The following LRRTM4 variants were observed in gnomAD, a reference collection of about 807,000 sequenced individuals.
LRRTM4 encodes the protein leucine-rich repeat transmembrane neuronal protein 4.
A neutral mutation model predicts 47.6 loss-of-function variants in LRRTM4; 25 were observed. The observed-to-expected ratio is 0.53, with a 90% CI of 0.38 to 0.73. LRRTM4 has a LOEUF of 0.73. LRRTM4 is among the 30% of genes least tolerant of loss of function. The probability of loss-of-function intolerance (pLI) is 0.00; values close to 1 mark genes in which losing one functional copy is unlikely to be tolerated. For synonymous variants in LRRTM4, 311 were observed against 269.5 expected, an observed-to-expected ratio of 1.15 and a Z score of -1.51; for missense variants, 638 against 713.4, an observed-to-expected ratio of 0.89 and a Z score of 1.20.
chr2:77,092,187 T>G (rs1670665716), intron 3 of LRRTM4, among the ~76,000 whole-genome samples: 1 of 152,168 alleles, frequency 6.6e-6, no homozygotes, highest in African/African-American at 2.4e-5. Flanking sequence ...CACTCTTTGT[T>G]AAGTCCCACA....
At chr2:76,911,722 T>C (rs926743274) in intron 3 of LRRTM4, among the ~76,000 whole-genome samples, 1 of 149,324 alleles carries the variant, frequency 6.7e-6, no homozygotes, top group Non-Finnish European at 1.5e-5. Context: ...CAGGTAGAAA[T>C]GTCAGTAGAA....
chr2:77,069,795 T>C (rs924256616), intron 3 of LRRTM4, among the ~76,000 whole-genome samples: 1 of 152,152 alleles, frequency 6.6e-6, no homozygotes, highest in Non-Finnish European at 1.5e-5. Flanking sequence ...ATATAGTAGT[T>C]TTACAAAGAT....
intron 3 of LRRTM4, among the ~76,000 whole-genome samples, chr2:77,082,804 G>T (rs1477284652): frequency 6.6e-6 from 1 of 151,744 alleles, no homozygotes; most frequent in Non-Finnish European, 1.5e-5. Context: ...TCACGTATTT[G>T]CTCTTTTAAA....
At chr2:77,385,155 A>G (rs1355457550) in intron 3 of LRRTM4, among the ~76,000 whole-genome samples, 2 of 152,202 alleles carry the variant, frequency 1.3e-5, no homozygotes, top group African/African-American at 2.4e-5. Flanking sequence ...TCTGTAGGCT[A>G]AAACTTGCCC....
intron 3 of LRRTM4, among the ~76,000 whole-genome samples, chr2:77,424,669 T>G (rs1247450396): frequency 1.3e-5 from 2 of 152,168 alleles, no homozygotes; most frequent in Non-Finnish European, 2.9e-5. Flanking sequence ...TAGTGATGAT[T>G]GTACAATTTG....
chr2:77,196,665 C>T (rs900556851), intron 3 of LRRTM4, among the ~76,000 whole-genome samples: 3 of 152,024 alleles, frequency 2.0e-5, no homozygotes, highest in African/African-American at 7.2e-5. Flanking sequence ...CCTTTAAATC[C>T]AGGAGGTGGA....
chr2:76,824,336 G>A (rs1364495842), intron 3 of LRRTM4, among the ~76,000 whole-genome samples: 2 of 151,480 alleles, frequency 1.3e-5, no homozygotes, highest in African/African-American at 4.8e-5. Flanking sequence ...ATGCATGAAT[G>A]GAATACAATT....
intron 3 of LRRTM4, among the ~76,000 whole-genome samples, chr2:77,451,148 T>C (rs1339850243): frequency 6.6e-6 from 1 of 152,160 alleles, no homozygotes; most frequent in Non-Finnish European, 1.5e-5. Flanking sequence ...CGAAGACTAG[T>C]TTTTTTCTGA....
At chr2:77,025,140 G>A (rs1387348128) in intron 3 of LRRTM4, among the ~76,000 whole-genome samples, 3 of 152,058 alleles carry the variant, frequency 2.0e-5, no homozygotes, top group Admixed American at 6.6e-5. Flanking sequence ...AATAGGATCC[G>A]TAATACTTTA....
chr2:76,841,070 A>C (rs1342494752), intron 3 of LRRTM4, among the ~76,000 whole-genome samples: 3 of 143,642 alleles, frequency 2.1e-5, no homozygotes, highest in East Asian at 4.4e-4. Flanking sequence ...TGTGGCACAT[A>C]GACACCATGG....
rs1674089731 is a variant in LRRTM4 at position 77,205,261 on chromosome 2, G to C, written c.1551+313057C>G. On this transcript the variant is annotated intron_variant, in intron 3 of 3. Coordinates refer to ENST00000409884, the MANE Select transcript of LRRTM4 (RefSeq NM_001134745.3). ...TTGTTTTCATGGAGATTATAGTCAA[G>C]GGAGAAAGAAAGAAAACAAATCAGA... is the stretch of plus-strand genomic sequence containing the variant. 2.6e-5 allele frequency among the ~76,000 whole-genome samples: 4 copies of C among 152,190 alleles called. No individual in the cohort carries two copies. In the South Asian group the frequency reaches 8.3e-4, roughly 32 times the overall value.
In LRRTM4 at chr2:77,308,518, T is replaced by C. The variant is rs1319811747; in HGVS notation, c.1551+209800A>G. ...TCTTTCCTCATGTGAGTTTTGTAGA[T>C]AGGCATTTTTTTATCTTTATCATTT... On this transcript the variant is annotated intron_variant, in intron 3 of 3. Transcript: ENST00000409884. Among the ~76,000 whole-genome samples, 4 of 152,180 alleles carry C rather than the reference T, an allele frequency of 2.6e-5. No homozygotes were observed. In the East Asian group the frequency reaches 7.7e-4, roughly 29 times the overall value.
chr2:77,406,379 T>A (rs1674183142), intron 3 of LRRTM4, among the ~76,000 whole-genome samples: 1 of 152,116 alleles, frequency 6.6e-6, no homozygotes, highest in Non-Finnish European at 1.5e-5. Flanking sequence ...TGGAATGCAG[T>A]GATGTGATCA....
intron 3 of LRRTM4, among the ~76,000 whole-genome samples, chr2:77,214,216 A>G (rs1180242815): frequency 6.6e-6 from 1 of 152,206 alleles, no homozygotes; most frequent in African/African-American, 2.4e-5. Context: ...AAAGACCAAT[A>G]AAATGAATGC....
chr2:77,414,823 C>T (rs2103867606), intron 3 of LRRTM4, among the ~76,000 whole-genome samples: 1 of 150,808 alleles, frequency 6.6e-6, no homozygotes, highest in African/African-American at 2.4e-5. Flanking sequence ...CACACAATAG[C>T]ACCAATAATC....
chr2:77,480,788 G>GTA (rs1305414346), intron 3 of LRRTM4, among the ~76,000 whole-genome samples: 8 of 111,046 alleles, frequency 7.2e-5, no homozygotes, highest in Non-Finnish European at 1.4e-4. Context: ...TTTTAGGAGT[G>GTA]TGTGTGTGTG....
At chr2:76,803,196 A>G (rs1024939331) in intron 3 of LRRTM4, among the ~76,000 whole-genome samples, 13 of 152,200 alleles carry the variant, frequency 8.5e-5, no homozygotes, top group African/African-American at 2.4e-4. Context: ...CAAACCACTT[A>G]TATCATCAAG....
At chr2:76,904,477 T>C (rs1469910240) in intron 3 of LRRTM4, among the ~76,000 whole-genome samples, 1 of 152,218 alleles carries the variant, frequency 6.6e-6, no homozygotes, top group Non-Finnish European at 1.5e-5. Context: ...AATATCTTTG[T>C]AAGGGAAAAT....
intron 3 of LRRTM4, among the ~76,000 whole-genome samples, chr2:77,480,513 C>T (rs897174166): frequency 6.6e-6 from 1 of 152,150 alleles, no homozygotes; most frequent in Non-Finnish European, 1.5e-5. Context: ...ACACTGAACA[C>T]TTGTTCAACT....
Sources: allele counts gnomAD v4.1 joint callset (sites outside exome capture counted in the v4.1 genomes callset), GRCh38; gene constraint gnomAD v4.1.1; transcripts MANE v1.5; gene names NCBI Gene and HGNC (gene_info 2026-07-23, HGNC 2026-07-21).